CCDC171: variants seen among roughly 807,000 people sequenced by gnomAD.
The protein encoded by CCDC171 is coiled-coil domain-containing protein 171.
Under a neutral mutation model 168.2 loss-of-function variants are expected in CCDC171, and 177 were observed. The observed-to-expected ratio is 1.05, with a 90% confidence interval of 0.93 to 1.19. CCDC171 has a LOEUF of 1.19. CCDC171 is among the 50% of genes most tolerant of loss of function. CCDC171 has a pLI of 0.00. For missense variants in CCDC171, 1,991 were observed against 1,539.0 expected, an observed-to-expected ratio of 1.29 and a Z score of -4.91; for synonymous variants, 687 against 540.8, an observed-to-expected ratio of 1.27 and a Z score of -3.75.
At chr9:15,723,633 G>T (rs1018174930) in intron 12 of CCDC171, 48 bp from the exon 13 acceptor site, 3 of 1,407,468 alleles carry the variant, frequency 2.1e-6, no homozygotes, top group Non-Finnish European at 3.0e-6. Context: ...ATGTAAAAAA[G>T]TTACTTATAT....
chr9:15,638,930 G>C (rs1442651628), intron 7 of CCDC171, among the ~76,000 whole-genome samples: 2 of 151,956 alleles, frequency 1.3e-5, no homozygotes, highest in Non-Finnish European at 2.9e-5. Flanking sequence ...AATAAGAAAA[G>C]AGAAAAGAGA....
At chr9:15,669,920 C>T (rs6474943) in intron 9 of CCDC171, among the ~76,000 whole-genome samples, 1 of 147,806 alleles carries the variant, frequency 6.8e-6, no homozygotes. Context: ...TGTTAAAATA[C>T]CCTGTTATTG....
chr9:15,834,574 C>T (rs2060361708), intron 21 of CCDC171, among the ~76,000 whole-genome samples: 2 of 152,068 alleles, frequency 1.3e-5, no homozygotes, highest in Admixed American at 1.3e-4. Context: ...AAGAGGCTAC[C>T]CAATGGATAT....
At chr9:15,678,260 G>A (rs940382453) in intron 9 of CCDC171, among the ~76,000 whole-genome samples, 1 of 151,814 alleles carries the variant, frequency 6.6e-6, no homozygotes, top group Admixed American at 6.6e-5. Flanking sequence ...AAAGAAATTC[G>A]TATGTCTTCA....
the CCDC171 span, among the ~76,000 whole-genome samples, chr9:16,107,540 G>C: frequency 6.6e-6 from 1 of 151,606 alleles, no homozygotes; most frequent in African/African-American, 2.4e-5. Context: ...CTCTCTAAAT[G>C]TGTGTGTGTA....
At chr9:15,685,039 T>A (rs146208969) in intron 10 of CCDC171, among the ~76,000 whole-genome samples, 4 of 152,322 alleles carry the variant, frequency 2.6e-5, no homozygotes, top group African/African-American at 9.6e-5. Flanking sequence ...GTGAGTTTTG[T>A]CTTGAGGCAA....
intron 6 of CCDC171, among the ~76,000 whole-genome samples, chr9:15,614,750 G>A (rs1284264674): frequency 6.6e-6 from 1 of 152,138 alleles, no homozygotes; most frequent in African/African-American, 2.4e-5. Flanking sequence ...CATTTTAAGA[G>A]TGAAGGACTA....
chr9:15,675,978 G>T lies in CCDC171; in HGVS notation c.1077-2780G>T, dbSNP rs529087542. On this transcript the variant is annotated intron_variant, in intron 9 of 25. Transcript: ENST00000380701. ...ATCCTGAAGAGTGTTTTCTAACTTG[G>T]TTCCATTCTCCCCGTCACTTTCAGG... Among the ~76,000 whole-genome samples, 5 of 152,246 alleles carry T rather than the reference G, an allele frequency of 3.3e-5. No individual in the cohort carries two copies. In the South Asian group the frequency reaches 8.3e-4, roughly 25 times the overall value.
At chr9:15,638,681 A>G (rs1032381130) in intron 7 of CCDC171, among the ~76,000 whole-genome samples, 5 of 151,886 alleles carry the variant, frequency 3.3e-5, no homozygotes, top group African/African-American at 1.2e-4. Flanking sequence ...TGAAACATAA[A>G]TATAAAAGAA....
chr9:15,598,399 AT>A, intron 6 of CCDC171, among the ~76,000 whole-genome samples: 1 of 151,950 alleles, frequency 6.6e-6, no homozygotes, highest in East Asian at 1.9e-4. Context: ...CCTTCATTTC[AT>A]TATGTACCCA....
chr9:16,029,290 A>C (rs894390122), intron 6 of CCDC171, among the ~76,000 whole-genome samples: 1 of 134,142 alleles, frequency 7.5e-6, no homozygotes, highest in Non-Finnish European at 1.7e-5. Flanking sequence ...TGCCCACAAA[A>C]ATTCTGGTTT....
At chr9:15,591,262 C>A in intron 4 of CCDC171, 104 bp from the exon 5 acceptor site, 1 of 673,300 alleles carries the variant, frequency 1.5e-6, no homozygotes, top group East Asian at 3.0e-5. Context: ...ATGTTTTATC[C>A]TAAGATCATG....
chr9:16,108,390 A>G, the CCDC171 span, among the ~76,000 whole-genome samples: 22 of 152,188 alleles, frequency 1.4e-4, no homozygotes, highest in Admixed American at 4.6e-4. Context: ...TGTGAATTTT[A>G]TTTCTTATTT....
At chr9:15,904,292 C>T (rs1822170453) in intron 24 of CCDC171, among the ~76,000 whole-genome samples, 1 of 152,098 alleles carries the variant, frequency 6.6e-6, no homozygotes, top group Admixed American at 6.5e-5. Flanking sequence ...TCGGGTTGCC[C>T]ACAAAGGGAA....
intron 24 of CCDC171, among the ~76,000 whole-genome samples, chr9:15,901,064 A>G (rs911696799): frequency 6.6e-6 from 1 of 152,194 alleles, no homozygotes; most frequent in Non-Finnish European, 1.5e-5. Context: ...GTTATTAAAT[A>G]TGCTCCATAA....
At chr9:15,784,153 G>C (rs1486863535) in intron 20 of CCDC171, among the ~76,000 whole-genome samples, 1 of 152,130 alleles carries the variant, frequency 6.6e-6, no homozygotes, top group Non-Finnish European at 1.5e-5. Context: ...ACTTCTAGGT[G>C]ATCACTTAAA....
chr9:15,627,124 C>G (rs1358376177), intron 7 of CCDC171, among the ~76,000 whole-genome samples: 1 of 152,186 alleles, frequency 6.6e-6, no homozygotes, highest in Admixed American at 6.5e-5. Flanking sequence ...ATAGTATTCT[C>G]TGATGGTAGT....
intron 6 of CCDC171, among the ~76,000 whole-genome samples, chr9:15,609,876 T>G (rs901348058): frequency 6.6e-6 from 1 of 152,174 alleles, no homozygotes; most frequent in African/African-American, 2.4e-5. Flanking sequence ...TCAAGAGACC[T>G]TCCTGTAATT....
intron 20 of CCDC171, among the ~76,000 whole-genome samples, chr9:15,779,813 G>A (rs530523663): frequency 3.5e-4 from 54 of 152,312 alleles, no homozygotes; most frequent in African/African-American, 1.3e-3. Context: ...AAGCACAGTC[G>A]TATGCCAAAT....
Sources: gnomAD v4.1 joint callset for allele counts (sites outside exome capture counted in the v4.1 genomes callset) on GRCh38, gnomAD v4.1.1 for gene constraint, MANE v1.5 for transcripts, NCBI Gene and HGNC (gene_info 2026-07-23, HGNC 2026-07-21) for gene names.